GABRA3: variants seen among roughly 807,000 people sequenced by gnomAD.
GABRA3 encodes gamma-aminobutyric acid receptor subunit alpha-3.
A neutral mutation model predicts 30.1 loss-of-function variants in GABRA3; 10 were observed. That is an observed-to-expected ratio of 0.33 (90% confidence interval 0.20 to 0.56). GABRA3 has a LOEUF of 0.56. GABRA3 is among the 20% of genes least tolerant of loss of function. The probability of loss-of-function intolerance (pLI) is 0.89; values close to 1 mark genes in which losing one functional copy is unlikely to be tolerated. For synonymous variants in GABRA3, 151 were observed against 146.8 expected, an observed-to-expected ratio of 1.03 and a Z score of -0.21; for missense variants, 233 against 392.0, an observed-to-expected ratio of 0.59 and a Z score of 3.42.
In GABRA3 at chrX:152,205,006, G is replaced by A. The variant is rs765716733; in HGVS notation, c.778+2995C>T. ...TTCACATGGTGTTCTCCATGTGCAC[G>A]CACGCGTGTGTGTGTGTCTCTATGT... On this transcript the variant is annotated intron_variant, in intron 7 of 9. Coordinates refer to ENST00000370314, the MANE Select transcript of GABRA3 (RefSeq NM_000808.4). 2.7e-5 allele frequency among the ~76,000 whole-genome samples: 3 copies of A among 111,608 alleles called. No homozygotes were observed. The South Asian group carries it at 1.1e-3, about 43-fold the overall frequency.
rs145231878 is a variant in GABRA3 at position 152,214,941 on chromosome X, T to C, written c.635-6797A>G. On this transcript the variant is annotated intron_variant, in intron 6 of 9. Transcript: ENST00000370314. ...GTATCCTTCCACGTTGCTTATTTTC[T>C]TAATTCTAACAAATTTTTGTTTAGT... is the stretch of plus-strand genomic sequence containing the variant. 7.9e-3 allele frequency among the ~76,000 whole-genome samples: 861 copies of C among 109,321 alleles called. 14 individuals carry two copies. The highest frequency in any genetic ancestry group is 0.027 in the African/African-American group (813 of 30,182). 94.9% of individuals were successfully genotyped at this position (109,321 alleles called of 115,157 possible). A position where few individuals can be genotyped will look rare whatever the true frequency, so the allele number is the denominator to read the frequency against.
At chrX:152,183,365 G>A (rs901187993) in intron 9 of GABRA3, among the ~76,000 whole-genome samples, 5 of 110,087 alleles carry the variant, frequency 4.5e-5, no homozygotes, top group African/African-American at 1.6e-4. Context: ...ATAGTAATCT[G>A]TTATGATTCT....
intron 9 of GABRA3, chrX:152,187,520 C>T (rs1051845289): frequency 2.7e-5 from 3 of 111,966 alleles, no homozygotes; most frequent in African/African-American, 9.8e-5. Flanking sequence ...ACTATACACG[C>T]ATACACATGC....
intron 7 of GABRA3, among the ~76,000 whole-genome samples, chrX:152,205,388 A>C (rs1937526074): frequency 2.7e-5 from 3 of 111,927 alleles, no homozygotes. Flanking sequence ...CGGATACTTA[A>C]ACAGGAGCAA....
At chrX:152,410,026 T>A (rs777179535) in intron 1 of GABRA3, among the ~76,000 whole-genome samples, 1 of 112,407 alleles carries the variant, frequency 8.9e-6, no homozygotes, top group South Asian at 3.7e-4. Flanking sequence ...ATATTATTTG[T>A]CATAAAAAAG....
At chrX:152,421,428 A>G (rs1163656117) in intron 1 of GABRA3, among the ~76,000 whole-genome samples, 2 of 111,426 alleles carry the variant, frequency 1.8e-5, no homozygotes, top group Admixed American at 9.6e-5. Flanking sequence ...ATGTAAAACA[A>G]TAAAGCTTCT....
intron 1 of GABRA3, among the ~76,000 whole-genome samples, chrX:152,389,921 G>T (rs1007421155): frequency 9.2e-6 from 1 of 108,871 alleles, no homozygotes; most frequent in African/African-American, 3.3e-5. Context: ...CATGGTAAAT[G>T]ATAAAAAAAA....
At chrX:152,285,565 C>T (rs1939277617) in intron 3 of GABRA3, among the ~76,000 whole-genome samples, 1 of 111,846 alleles carries the variant, frequency 8.9e-6, no homozygotes. Flanking sequence ...TCATCACACA[C>T]CACATATTTG....
chrX:152,174,570 T>C (rs1045539012), intron 9 of GABRA3, among the ~76,000 whole-genome samples: 2 of 112,534 alleles, frequency 1.8e-5, no homozygotes, highest in African/African-American at 6.5e-5. Context: ...CATGTGTCTT[T>C]TGGCTGCATA....
chrX:152,168,996 A>G (rs1228045828), intron 9 of GABRA3, among the ~76,000 whole-genome samples: 4 of 112,086 alleles, frequency 3.6e-5, no homozygotes, highest in African/African-American at 1.3e-4. Flanking sequence ...GGTGGATGAG[A>G]TTACTCCCAT....
chrX:152,317,626 A>T (rs761161870), intron 3 of GABRA3, among the ~76,000 whole-genome samples: 54 of 112,074 alleles, frequency 4.8e-4, no homozygotes, highest in African/African-American at 1.4e-3. Context: ...ACTCTCTCAG[A>T]CCACAGTGGA....
At chrX:152,367,567 G>A (rs1458113046) in intron 1 of GABRA3, among the ~76,000 whole-genome samples, 3 of 111,075 alleles carry the variant, frequency 2.7e-5, no homozygotes, top group Non-Finnish European at 5.7e-5. Context: ...ATATTACCTC[G>A]AATCCATATA....
chrX:152,283,505 T>C (rs1418320218), intron 4 of GABRA3, among the ~76,000 whole-genome samples: 1 of 112,048 alleles, frequency 8.9e-6, no homozygotes. Flanking sequence ...TCATAGACCT[T>C]GCACCTGATT....
chrX:152,407,581 A>G (rs1003091293), intron 1 of GABRA3, among the ~76,000 whole-genome samples: 5 of 112,121 alleles, frequency 4.5e-5, no homozygotes, highest in African/African-American at 1.6e-4. Flanking sequence ...AGAAGAAGTA[A>G]TAAAATGTCT....
intron 6 of GABRA3, among the ~76,000 whole-genome samples, chrX:152,220,817 C>CTG (rs201926760): frequency 1.6e-4 from 17 of 109,643 alleles, no homozygotes; most frequent in Non-Finnish European, 2.5e-4. Flanking sequence ...CAATCAGTCA[C>CTG]TGTGTGTGTG....
At chrX:152,427,868 G>C (rs1323224239) in intron 1 of GABRA3, among the ~76,000 whole-genome samples, 4 of 111,932 alleles carry the variant, frequency 3.6e-5, no homozygotes, top group Non-Finnish European at 7.5e-5. Context: ...AATAACACAA[G>C]AGATCTAATA....
chrX:152,325,854 T>C (rs1186619210), intron 3 of GABRA3, among the ~76,000 whole-genome samples: 1 of 111,554 alleles, frequency 9.0e-6, no homozygotes, highest in Non-Finnish European at 1.9e-5. Context: ...AGAATGACTT[T>C]GACGAGTTGA....
intron 8 of GABRA3, among the ~76,000 whole-genome samples, chrX:152,190,871 A>AATAT (rs59438630): frequency 0.016 from 1,708 of 105,011 alleles, 37 homozygotes; most frequent in African/African-American, 0.056. Flanking sequence ...TATGCATGTG[A>AATAT]ATATATATAT....
At chrX:152,290,847 G>C (rs1261816119) in intron 3 of GABRA3, among the ~76,000 whole-genome samples, 1 of 111,277 alleles carries the variant, frequency 9.0e-6, no homozygotes, top group African/African-American at 3.3e-5. Context: ...TATTTCTAAG[G>C]CCTCTGTTCT....
Sources: allele counts gnomAD v4.1 joint callset (sites outside exome capture counted in the v4.1 genomes callset), GRCh38; gene constraint gnomAD v4.1.1; transcripts MANE v1.5; gene names NCBI Gene and HGNC (gene_info 2026-07-23, HGNC 2026-07-21).